Variants in LARGE1 observed in about 807,000 individuals in gnomAD.
LARGE1 encodes the protein LARGE xylosyl- and glucuronyltransferase 1.
A neutral mutation model predicts 87.6 loss-of-function variants in LARGE1; 43 were observed. The observed-to-expected ratio is 0.49, with a 90% CI of 0.38 to 0.63. The LOEUF is 0.63. LARGE1 is among the 30% of genes least tolerant of loss of function. The pLI, the probability that LARGE1 is intolerant of heterozygous loss-of-function variation, is 0.00. For missense variants in LARGE1, 802 were observed against 1,000.2 expected, an observed-to-expected ratio of 0.80 and a Z score of 2.67; for synonymous variants, 434 against 394.6, an observed-to-expected ratio of 1.10 and a Z score of -1.18.
intron 2 of LARGE1, among the ~76,000 whole-genome samples, chr22:33,734,756 C>A (rs1026674145): frequency 6.6e-6 from 1 of 152,082 alleles, no homozygotes; most frequent in African/African-American, 2.4e-5. Flanking sequence ...AAAGTCATCA[C>A]AAAGACCTTC....
chr22:33,762,508 C>T (rs2084770514), intron 1 of LARGE1, among the ~76,000 whole-genome samples: 1 of 152,152 alleles, frequency 6.6e-6, no homozygotes, highest in Non-Finnish European at 1.5e-5. Flanking sequence ...TGGGACTGTA[C>T]CCTAGTCACA....
chr22:33,776,859 G>T (rs1601591081), intron 1 of LARGE1, among the ~76,000 whole-genome samples: 1 of 152,074 alleles, frequency 6.6e-6, no homozygotes, highest in African/African-American at 2.4e-5. Flanking sequence ...TTTTCTCTAC[G>T]CTTTGCCATT....
chr22:33,339,759 CCTGGG>C (rs1938936237), intron 9 of LARGE1, among the ~76,000 whole-genome samples: 1 of 152,190 alleles, frequency 6.6e-6, no homozygotes, highest in Non-Finnish European at 1.5e-5. Flanking sequence ...GCCTTGACCT[CCTGGG>C]CTCAGGTGAT....
At chr22:33,172,197 T>C (rs548516891) in intron 11 of LARGE1, among the ~76,000 whole-genome samples, 44 of 152,266 alleles carry the variant, frequency 2.9e-4, no homozygotes, top group Non-Finnish European at 5.6e-4. Context: ...TATTTACCAA[T>C]GCCTGTACCC....
chr22:33,742,539 G>T (rs1302269172), intron 2 of LARGE1, among the ~76,000 whole-genome samples: 1 of 152,158 alleles, frequency 6.6e-6, no homozygotes. Flanking sequence ...AGAAAGGTCA[G>T]GGGACCCCTC....
intron 11 of LARGE1, among the ~76,000 whole-genome samples, chr22:33,230,395 A>G (rs1314596601): frequency 6.6e-6 from 1 of 152,170 alleles, no homozygotes; most frequent in Non-Finnish European, 1.5e-5. Context: ...CAGTGGTGAG[A>G]CATTGCTTTG....
intron 11 of LARGE1, among the ~76,000 whole-genome samples, chr22:33,217,199 A>G (rs1474204717): frequency 6.6e-6 from 1 of 152,096 alleles, no homozygotes; most frequent in Non-Finnish European, 1.5e-5. Flanking sequence ...AGTAGAGTGA[A>G]TAAATAAATT....
intron 1 of LARGE1, among the ~76,000 whole-genome samples, chr22:33,828,968 T>C (rs182197226): frequency 1.3e-5 from 2 of 151,502 alleles, no homozygotes; most frequent in African/African-American, 2.4e-5. Context: ...CTAGATCAAA[T>C]GCTACTTTCT....
chr22:33,413,242 G>GAACC (rs2066374312), intron 7 of LARGE1, among the ~76,000 whole-genome samples: 1 of 152,048 alleles, frequency 6.6e-6, no homozygotes, highest in Admixed American at 6.5e-5. Flanking sequence ...TAAAGCAACT[G>GAACC]AACCACTCTT....
At chr22:33,361,795 C>T (rs1400560641) in intron 9 of LARGE1, among the ~76,000 whole-genome samples, 2 of 115,944 alleles carry the variant, frequency 1.7e-5, no homozygotes, top group African/African-American at 5.9e-5. Flanking sequence ...CCCTCACTTC[C>T]TTACATCACA....
intron 4 of LARGE1, among the ~76,000 whole-genome samples, chr22:33,614,845 CTT>C (rs966455091): frequency 3.1e-5 from 2 of 63,604 alleles, no homozygotes; most frequent in African/African-American, 1.3e-4. Flanking sequence ...TACCTCCTCT[CTT>C]GTTTACTCTC....
chr22:33,564,145 C>A (rs2077950081), intron 6 of LARGE1, among the ~76,000 whole-genome samples: 1 of 152,036 alleles, frequency 6.6e-6, no homozygotes, highest in South Asian at 2.1e-4. Context: ...TGTACTCATC[C>A]AGTATAGAAG....
intron 12 of LARGE1, among the ~76,000 whole-genome samples, chr22:33,289,010 G>A (rs947319925): frequency 6.6e-6 from 1 of 152,210 alleles, no homozygotes. Context: ...CCAGGCTGGA[G>A]TGCGGTGGTG....
At chr22:33,373,000 AT>A (rs1471928254) in intron 9 of LARGE1, among the ~76,000 whole-genome samples, 1 of 152,212 alleles carries the variant, frequency 6.6e-6, no homozygotes, top group African/African-American at 2.4e-5. Context: ...TATGTGGTAA[AT>A]TTTTGTCTTA....
rs569664290 is a variant in LARGE1 at position 33,302,250 on chromosome 22, G to A, written c.1730+1979C>T. The stretch of plus-strand genomic sequence containing the variant: ...TGGATTCTAAGACCCAGCAGGCACT[G>A]GCACAGGCGCTGGGGCTGGAGGGAG... On this transcript the variant is annotated intron_variant, in intron 12 of 14. Coordinates refer to ENST00000397394, the MANE Select transcript of LARGE1 (RefSeq NM_133642.5). Among the ~76,000 whole-genome samples the A allele has an allele frequency of 7.9e-4, 121 of 152,326 alleles. 1 individual carries two copies. Among genetic ancestry groups the A allele is most frequent in the African/African-American group, 2.6e-3 (108 of 41,574 alleles).
At chr22:33,513,117 G>C (rs571269210) in intron 6 of LARGE1, among the ~76,000 whole-genome samples, 1 of 152,234 alleles carries the variant, frequency 6.6e-6, no homozygotes, top group East Asian at 1.9e-4. Context: ...ATGTGTACTG[G>C]TGTGACCATT....
chr22:33,382,808 C>A (rs1432966940), intron 8 of LARGE1, among the ~76,000 whole-genome samples: 1 of 152,142 alleles, frequency 6.6e-6, no homozygotes, highest in Non-Finnish European at 1.5e-5. Context: ...TGTGACCCGA[C>A]TTGAAATATG....
At chr22:33,512,513 T>C (rs1212695967) in intron 6 of LARGE1, among the ~76,000 whole-genome samples, 3 of 152,138 alleles carry the variant, frequency 2.0e-5, no homozygotes, top group Non-Finnish European at 4.4e-5. Flanking sequence ...ACTAATCAAA[T>C]AATGGTGGGC....
chr22:33,365,475 T>C (rs889160313), intron 9 of LARGE1, among the ~76,000 whole-genome samples: 1 of 152,240 alleles, frequency 6.6e-6, no homozygotes, highest in South Asian at 2.1e-4. Context: ...CATGTGTTTA[T>C]TGGCCATTTG....
Sources: allele counts gnomAD v4.1 joint callset (sites outside exome capture counted in the v4.1 genomes callset), GRCh38; gene constraint gnomAD v4.1.1; transcripts MANE v1.5; gene names NCBI Gene and HGNC (gene_info 2026-07-23, HGNC 2026-07-21).